The following DYNC2LI1 variants were observed in gnomAD, a reference collection of about 807,000 sequenced individuals.
DYNC2LI1 encodes the protein cytoplasmic dynein 2 light intermediate chain 1.
A neutral mutation model predicts 51.9 loss-of-function variants in DYNC2LI1; 45 were observed. The ratio of observed to expected loss-of-function variants is 0.87; its 90% CI spans 0.68 to 1.11. The LOEUF is 1.11. Among genes scored for constraint, DYNC2LI1 ranks in the 50% most tolerant of loss-of-function variants. DYNC2LI1 has a pLI of 0.00. For synonymous variants in DYNC2LI1, 130 were observed against 137.8 expected (o/e 0.94, Z 0.40); for missense variants, 490 against 417.4 (o/e 1.17, Z -1.51).
intron 1 of DYNC2LI1, among the ~76,000 whole-genome samples, chr2:43,775,101 A>G (rs1185934922): frequency 6.6e-6 from 1 of 152,226 alleles, no homozygotes; most frequent in Non-Finnish European, 1.5e-5. Context: ...TAAACTACAT[A>G]TATATTTTAA....
chr2:43,808,989 A>C (rs1666378573), intron 12 of DYNC2LI1, among the ~76,000 whole-genome samples: 1 of 151,806 alleles, frequency 6.6e-6, no homozygotes, highest in South Asian at 2.1e-4. Context: ...ACACACACAC[A>C]CACACACACA....
chr2:43,796,724 G>A lies in DYNC2LI1; in HGVS notation c.583G>A (p.Glu195Lys). ...GSKYDVFQDFESEKRKVICKT... is the reference protein window; with the variant it reads ...GSKYDVFQDFKSEKRKVICKT... ...AAATAACATATTTCTACAGGATTTT[G>A]AGTCTGAGAAGAGAAAGGTAATATG... The change falls in exon 8 of 13, where the codon GAG becomes AAG. Residue 195 changes from glutamate to lysine, a missense_variant. Coordinates refer to ENST00000260605, the MANE Select transcript of DYNC2LI1 (RefSeq NM_016008.4). 1 of 1,610,922 alleles carries A rather than the reference G, an allele frequency of 6.2e-7. No individual in the cohort carries two copies.
chr2:43,781,604 T>TC (rs1413224254), intron 2 of DYNC2LI1: 1 of 128,192 alleles, frequency 7.8e-6, no homozygotes, highest in African/African-American at 3.2e-5. Flanking sequence ...TGATTTTCTT[T>TC]TTCTTTTTTT....
intron 10 of DYNC2LI1, among the ~76,000 whole-genome samples, chr2:43,803,953 C>T (rs1179069784): frequency 6.6e-6 from 1 of 152,122 alleles, no homozygotes; most frequent in Non-Finnish European, 1.5e-5. Context: ...AGAGTACATA[C>T]AAGGAGCAAA....
intron 12 of DYNC2LI1, among the ~76,000 whole-genome samples, chr2:43,809,182 C>T (rs969455171): frequency 6.6e-6 from 1 of 152,038 alleles, no homozygotes; most frequent in Non-Finnish European, 1.5e-5. Flanking sequence ...TGTAGAGACA[C>T]GGTCTCCCTA....
At chr2:43,813,695 G>A (rs1666614130), downstream of DYNC2LI1, among the ~76,000 whole-genome samples, 2 of 133,604 alleles carry the variant, frequency 1.5e-5, no homozygotes, top group African/African-American at 2.9e-5. Context: ...GTTTTTTTTG[G>A]GGTTTTTTTT....
the DYNC2LI1 span, chr2:43,820,196 G>T: frequency 6.9e-7 from 1 of 1,455,886 alleles, no homozygotes; most frequent in Non-Finnish European, 9.4e-7. Flanking sequence ...TGTGGTGAGT[G>T]GGTGGGAGAA....
chr2:43,776,358 T>C (rs187747907), intron 1 of DYNC2LI1, among the ~76,000 whole-genome samples: 84 of 152,332 alleles, frequency 5.5e-4, no homozygotes, highest in Admixed American at 9.2e-4. Context: ...AAGAAATGTT[T>C]CAGGGAGGAA....
At chr2:43,803,758 G>C (rs541413408) in intron 10 of DYNC2LI1, among the ~76,000 whole-genome samples, 1 of 152,278 alleles carries the variant, frequency 6.6e-6, no homozygotes, top group African/African-American at 2.4e-5. Flanking sequence ...AATGGCTTTC[G>C]CACCAAAGTG....
At chr2:43,798,680 G>C (rs1442890395) in intron 8 of DYNC2LI1, among the ~76,000 whole-genome samples, 1 of 152,162 alleles carries the variant, frequency 6.6e-6, no homozygotes, top group East Asian at 1.9e-4. Context: ...ACAAGATCAG[G>C]GACCAGGGAA....
chr2:43,787,897 C>A (rs1022891045), intron 4 of DYNC2LI1, among the ~76,000 whole-genome samples: 1 of 152,146 alleles, frequency 6.6e-6, no homozygotes, highest in African/African-American at 2.4e-5. Flanking sequence ...AACACAGGCA[C>A]ATTTTTATAC....
In DYNC2LI1 at chr2:43,774,658, C is replaced by G. The variant is rs146829660; in HGVS notation, c.8+512C>G. ...ACCTGTTCACAAGATATTCCTAAAC[C>G]TTTTCTCAACAATTTATGCTTAAGC... On this transcript the variant is annotated intron_variant, in intron 1 of 12. Transcript: ENST00000260605. Among the ~76,000 whole-genome samples the G allele has an allele frequency of 1.2e-4, 18 of 152,274 alleles. No individual in the cohort carries two copies. In the South Asian group the frequency reaches 3.5e-3, roughly 30 times the overall value.
chr2:43,824,721 T>A, the DYNC2LI1 span: 3 of 924,172 alleles, frequency 3.2e-6, no homozygotes, highest in South Asian at 5.0e-5. Context: ...ATTCTGATAG[T>A]CATCTCTGGC....
At chr2:43,807,743 CAAAAAAAAAAAAAAA>C (rs536977133) in intron 12 of DYNC2LI1, among the ~76,000 whole-genome samples, 2,536 of 41,906 alleles carry the variant, frequency 0.061, 122 homozygotes, top group African/African-American at 0.17. Flanking sequence ...TTTGTTAAAG[CAAAAAAAAAAAAAAA>C]AAAAAAAAAA....
downstream of DYNC2LI1, chr2:43,814,611 A>C (rs1666699051): frequency 6.9e-7 from 1 of 1,453,684 alleles, no homozygotes; most frequent in Non-Finnish European, 9.7e-7. Context: ...GAAAACAAAA[A>C]TGAAATTCAG....
chr2:43,777,306 A>T (rs950452892), intron 2 of DYNC2LI1, among the ~76,000 whole-genome samples: 1 of 152,202 alleles, frequency 6.6e-6, no homozygotes, highest in Non-Finnish European at 1.5e-5. Context: ...AGGGTTATTA[A>T]TTATTTTGAA....
At chr2:43,786,757 C>T (rs1391782396) in intron 3 of DYNC2LI1, among the ~76,000 whole-genome samples, 1 of 152,030 alleles carries the variant, frequency 6.6e-6, no homozygotes, top group Non-Finnish European at 1.5e-5. Flanking sequence ...ACCCAGGAGG[C>T]GGAGCTTGCA....
At chr2:43,804,794 T>C (rs771519888) in intron 11 of DYNC2LI1, 55 bp downstream of exon 11, 20 of 1,104,408 alleles carry the variant, frequency 1.8e-5, no homozygotes, top group South Asian at 3.3e-5. Context: ...CTAACAGTTA[T>C]AGGAAATGTG....
downstream of DYNC2LI1, chr2:43,813,029 G>C (rs1666562230): frequency 2.7e-6 from 2 of 738,024 alleles, no homozygotes; most frequent in Non-Finnish European, 5.0e-6. Context: ...TGTCAAGAAA[G>C]AAATACATGG....
Sources: gnomAD v4.1 joint callset for allele counts (sites outside exome capture counted in the v4.1 genomes callset) on GRCh38, gnomAD v4.1.1 for gene constraint, MANE v1.5 for transcripts, NCBI Gene and HGNC (gene_info 2026-07-23, HGNC 2026-07-21) for gene names.